AGAP1: variants seen among roughly 807,000 people sequenced by gnomAD.
The protein encoded by AGAP1 is arf-GAP with GTPase, ANK repeat and PH domain-containing protein 1.
A neutral mutation model predicts 105.3 loss-of-function variants in AGAP1; 29 were observed. The ratio of observed to expected loss-of-function variants is 0.28; its 90% confidence interval spans 0.21 to 0.38. The LOEUF is 0.38. AGAP1 is among the 10% of genes least tolerant of loss of function. The pLI is 1.00. For synonymous variants in AGAP1, 509 were observed against 485.9 expected (o/e 1.05, Z -0.63); for missense variants, 998 against 1,165.1 (o/e 0.86, Z 2.09).
rs1350408396 is a variant in AGAP1 at position 235,712,732 on chromosome 2, CCTCTTCCTGCCTTAAGTACGT to C, written c.222+3496_222+3516del. On this transcript the variant is annotated intron_variant, in intron 2 of 17. Coordinates refer to ENST00000304032, the MANE Select transcript of AGAP1 (RefSeq NM_001037131.3). This position sits in a 1 kb window ranked among gnomAD's most constrained non-coding sequence, Gnocchi z 6.0. ...CCTGCACAGAGGTTGACAGTGGCAA[CCTCTTCCTGCCTTAAGTACGT>C]AGTTCTGTGATTTTCAAGACACCTC... 4.6e-5 allele frequency among the ~76,000 whole-genome samples: 7 copies of C among 152,308 alleles called. No individual in the cohort carries two copies. The highest frequency in any genetic ancestry group is 1.7e-4 in the African/African-American group (7 of 41,570).
At position 235,777,840 on chromosome 2, in the gene AGAP1, T is replaced by A. The variant is rs543334434; in HGVS notation, c.674-19919T>A. Among the ~76,000 whole-genome samples the A allele has an allele frequency of 6.6e-6, 1 of 152,198 alleles. No homozygotes were observed. The highest frequency in any genetic ancestry group is 2.4e-5 in the African/African-American group (1 of 41,452). ...AGATAGAACAAATATGGCAAAGGAC[T>A]TGTATTTATTGGATATTAGTGGGTT... On this transcript the variant is annotated intron_variant, in intron 6 of 17. Coordinates refer to ENST00000304032, the MANE Select transcript of AGAP1 (RefSeq NM_001037131.3). This position sits in a 1 kb window ranked among gnomAD's most constrained non-coding sequence, Gnocchi z 5.1.
At chr2:235,840,315 G>A (rs1055487409) in intron 9 of AGAP1, among the ~76,000 whole-genome samples, 3 of 152,244 alleles carry the variant, frequency 2.0e-5, no homozygotes, top group African/African-American at 7.2e-5. Context: ...GGACATTGCA[G>A]TGACCATTAA....
At chr2:235,698,047 A>G (rs1950075964) in intron 1 of AGAP1, among the ~76,000 whole-genome samples, 1 of 152,132 alleles carries the variant, frequency 6.6e-6, no homozygotes, top group Non-Finnish European at 1.5e-5. Context: ...CCAGGGACCC[A>G]GGGGTCGAGG....
At chr2:235,868,387 C>T (rs545391556) in intron 9 of AGAP1, among the ~76,000 whole-genome samples, 61 of 152,266 alleles carry the variant, frequency 4.0e-4, no homozygotes, top group African/African-American at 1.0e-3. Flanking sequence ...GCACGGCCCC[C>T]GGTGTCTGTT....
Position 236,001,661 on chromosome 2 carries a change from G to T in AGAP1, c.1645+33038G>T, listed in dbSNP as rs528965230. Among the ~76,000 whole-genome samples, 324 of 152,258 alleles carry T rather than the reference G, an allele frequency of 2.1e-3. 1 individual carries two copies. Among genetic ancestry groups the T allele is most frequent in the African/African-American group, 7.5e-3 (311 of 41,544 alleles). ...ACCAGGAGGCCGAGAGCGGTAGAAC[G>T]TCACATCCTGGAGGGGCGGGGATTT... On this transcript the variant is annotated intron_variant, in intron 13 of 17. Transcript: ENST00000304032. This position sits in a 1 kb window ranked among gnomAD's most constrained non-coding sequence, Gnocchi z 4.7.
chr2:235,868,208 G>A (rs1444629786), intron 9 of AGAP1, among the ~76,000 whole-genome samples: 1 of 148,768 alleles, frequency 6.7e-6, no homozygotes, highest in Non-Finnish European at 1.5e-5. Flanking sequence ...TTTTTTTTTA[G>A]AAGTAGAAAC....
At chr2:235,783,692 A>G (rs1389491303) in intron 6 of AGAP1, among the ~76,000 whole-genome samples, 1 of 152,160 alleles carries the variant, frequency 6.6e-6, no homozygotes, top group Non-Finnish European at 1.5e-5. Context: ...GATGAAAGAA[A>G]TCGGAAGAAT....
intron 6 of AGAP1, among the ~76,000 whole-genome samples, chr2:235,794,386 A>G (rs1405073868): frequency 6.6e-6 from 1 of 152,238 alleles, no homozygotes; most frequent in Non-Finnish European, 1.5e-5. Flanking sequence ...ATTTGGGAGT[A>G]GCTCATGTGA....
At chr2:236,004,037 C>T (rs1559182174) in intron 13 of AGAP1, among the ~76,000 whole-genome samples, 1 of 152,142 alleles carries the variant, frequency 6.6e-6, no homozygotes, top group Non-Finnish European at 1.5e-5. Context: ...AGCCAATGGG[C>T]ACCTCGTATC....
rs759509562 is a variant in AGAP1 at position 235,979,022 on chromosome 2, T to TA, written c.1645+10400dup. On this transcript the variant is annotated intron_variant, in intron 13 of 17. Coordinates refer to ENST00000304032, the MANE Select transcript of AGAP1 (RefSeq NM_001037131.3). This position sits in a 1 kb window ranked among gnomAD's most constrained non-coding sequence, Gnocchi z 4.5. ...ATCTCTCTTGAAATTTTTTTGGACT[T>TA]ACGGACATTTAATTCAGATGCAGTG... Among the ~76,000 whole-genome samples the TA allele has an allele frequency of 2.6e-5, 4 of 152,170 alleles. No homozygotes were observed. Among genetic ancestry groups the TA allele is most frequent in the Non-Finnish European group, 5.9e-5 (4 of 68,022 alleles).
chr2:235,497,814 T>G (rs147721094), intron 1 of AGAP1, among the ~76,000 whole-genome samples: 1,546 of 152,260 alleles, frequency 0.01, 8 homozygotes, highest in Non-Finnish European at 0.014. Flanking sequence ...GCCGGTATGG[T>G]CTCCGTCTCC....
At chr2:236,049,556 T>G (rs2057831229) in intron 16 of AGAP1, 1 of 305,422 alleles carries the variant, frequency 3.3e-6, no homozygotes, top group Admixed American at 4.5e-5. Context: ...TATGAATATA[T>G]TACTTTAATT....
chr2:235,997,846 G>T (rs1216888206), intron 13 of AGAP1, among the ~76,000 whole-genome samples: 1 of 151,958 alleles, frequency 6.6e-6, no homozygotes. Flanking sequence ...GGACTTCCCA[G>T]TACATTTGTT....
At chr2:236,107,396 G>C (rs1021662541) in intron 16 of AGAP1, among the ~76,000 whole-genome samples, 24 of 152,164 alleles carry the variant, frequency 1.6e-4, no homozygotes, top group Admixed American at 2.0e-4. Flanking sequence ...GCTGCTGTGG[G>C]CTGCTGTCCT....
intron 11 of AGAP1, among the ~76,000 whole-genome samples, chr2:235,920,858 C>T (rs2052150770): frequency 6.6e-6 from 1 of 152,136 alleles, no homozygotes; most frequent in Non-Finnish European, 1.5e-5. Context: ...CTGATATCTG[C>T]AGAGGTTTTA....
intron 9 of AGAP1, among the ~76,000 whole-genome samples, chr2:235,869,419 C>CCAA: frequency 4.7e-5 from 1 of 21,426 alleles, no homozygotes; most frequent in South Asian, 4.5e-3. Flanking sequence ...TCCATCTCTA[C>CCAA]TAAAAAAAAA....
rs190938772 is a variant in AGAP1 at position 235,577,439 on chromosome 2, C to T, written c.163+82590C>T. Among the ~76,000 whole-genome samples, 2 of 152,266 alleles carry T rather than the reference C, an allele frequency of 1.3e-5. No homozygotes were observed. The highest frequency in any genetic ancestry group is 4.8e-5 in the African/African-American group (2 of 41,562). On this transcript the variant is annotated intron_variant, in intron 1 of 17. Coordinates refer to ENST00000304032, the MANE Select transcript of AGAP1 (RefSeq NM_001037131.3). This position sits in a 1 kb window ranked among gnomAD's most constrained non-coding sequence, Gnocchi z 4.5. ...AAAACCCCATTCTCTTGACCTTCTG[C>T]CCAAAGCCTTTGCCAGATGAGACAC...
At chr2:236,068,559 C>T (rs527751858) in intron 16 of AGAP1, among the ~76,000 whole-genome samples, 88 of 151,122 alleles carry the variant, frequency 5.8e-4, no homozygotes, top group Non-Finnish European at 9.7e-4. Flanking sequence ...CCAGCACTTT[C>T]GGAGGCCGAG....
At chr2:235,815,355 C>T (rs1266190605) in intron 9 of AGAP1, among the ~76,000 whole-genome samples, 1 of 152,202 alleles carries the variant, frequency 6.6e-6, no homozygotes, top group African/African-American at 2.4e-5. Context: ...CTCCCGTGGC[C>T]TGGACTCCAT....
Sources: gnomAD v4.1 joint callset for allele counts (sites outside exome capture counted in the v4.1 genomes callset) on GRCh38, gnomAD v4.1.1 for gene constraint, Gnocchi (gnomAD v3.1) non-coding constraint, MANE v1.5 for transcripts, NCBI Gene and HGNC (gene_info 2026-07-23, HGNC 2026-07-21) for gene names.